The following ADGRL3 variants were observed in gnomAD, a reference collection of about 807,000 sequenced individuals.
ADGRL3 encodes calcium-independent alpha-latrotoxin receptor 3.
ADGRL3 carries 62 observed loss-of-function variants against 153.5 expected under a neutral mutation model. The observed-to-expected ratio is 0.40, with a 90% CI of 0.33 to 0.50. The LOEUF (loss-of-function observed/expected upper bound fraction) is 0.50, where lower values mean the gene tolerates loss of function less well. ADGRL3 is among the 20% of genes least tolerant of loss of function. ADGRL3 has a pLI of 0.47. For missense variants in ADGRL3, 1,641 were observed against 1,859.4 expected (o/e 0.88, Z 2.16); for synonymous variants, 710 against 672.5 (o/e 1.06, Z -0.86).
intron 2 of ADGRL3, among the ~76,000 whole-genome samples, chr4:61,451,466 A>G (rs1363738182): frequency 6.6e-6 from 1 of 152,218 alleles, no homozygotes; most frequent in Non-Finnish European, 1.5e-5. Flanking sequence ...AGATTGAACA[A>G]TGTTCAGATT....
chr4:61,382,826 A>T (rs2151914347), intron 1 of ADGRL3, among the ~76,000 whole-genome samples: 1 of 151,982 alleles, frequency 6.6e-6, no homozygotes, highest in South Asian at 2.1e-4. Context: ...TGGAAATAGC[A>T]AAATTTATAT....
At chr4:61,514,854 TGTTTA>T in intron 3 of ADGRL3, among the ~76,000 whole-genome samples, 1 of 152,314 alleles carries the variant, frequency 6.6e-6, no homozygotes, top group East Asian at 1.9e-4. Flanking sequence ...TTTTATGTTT[TGTTTA>T]TTTTTCAGAT....
chr4:61,677,085 C>T (rs1169145490), intron 6 of ADGRL3, 150 bp downstream of exon 6: 8 of 582,766 alleles, frequency 1.4e-5, no homozygotes, highest in Non-Finnish European at 2.5e-5. Context: ...ATAGACCCTC[C>T]CTGCCATCAG....
intron 8 of ADGRL3, among the ~76,000 whole-genome samples, chr4:61,758,294 A>G (rs919897444): frequency 7.9e-5 from 12 of 152,086 alleles, no homozygotes; most frequent in Non-Finnish European, 2.9e-5. Flanking sequence ...AAAGTCTGCC[A>G]TTATTATTGC....
chr4:61,472,003 A>G (rs1161696391), intron 2 of ADGRL3, among the ~76,000 whole-genome samples: 1 of 152,104 alleles, frequency 6.6e-6, no homozygotes, highest in African/African-American at 2.4e-5. Context: ...TTTAAGAAAC[A>G]GTAAGCCAAT....
chr4:61,324,059 T>C (rs1353027353), intron 1 of ADGRL3, among the ~76,000 whole-genome samples: 1 of 152,126 alleles, frequency 6.6e-6, no homozygotes, highest in Non-Finnish European at 1.5e-5. Flanking sequence ...AGAGAGAGAT[T>C]GTGCAGAGAA....
rs142317130 is a variant in ADGRL3, at chr4:61,926,860, C to T, written c.2113-7980C>T. ...TTCACTTACCAATCTTGCCACTGAA[C>T]CCCTTATACTCTCTGCTCTACCATA... On this transcript the variant is annotated intron_variant, in intron 13 of 26. Coordinates refer to ENST00000683033, the MANE Select transcript of ADGRL3 (RefSeq NM_001387552.1). 1.4e-4 allele frequency among the ~76,000 whole-genome samples: 21 copies of T among 152,258 alleles called. No homozygotes were observed. The East Asian group carries it at 2.3e-3, about 17-fold the overall frequency.
At chr4:61,858,263 G>A (rs2098300384) in intron 9 of ADGRL3, among the ~76,000 whole-genome samples, 1 of 152,124 alleles carries the variant, frequency 6.6e-6, no homozygotes, top group Admixed American at 6.5e-5. Flanking sequence ...CAGTTCTGTG[G>A]TTGTAGCCTA....
At chr4:61,756,832 GTTGTTGAA>G (rs2096838405) in intron 8 of ADGRL3, among the ~76,000 whole-genome samples, 1 of 152,084 alleles carries the variant, frequency 6.6e-6, no homozygotes, top group South Asian at 2.1e-4. Context: ...AGCATGAAGG[GTTGTTGAA>G]TTTTGTCAAA....
chr4:61,448,120 C>T (rs949226012), intron 2 of ADGRL3, among the ~76,000 whole-genome samples: 14 of 152,252 alleles, frequency 9.2e-5, no homozygotes, highest in African/African-American at 3.4e-4. Context: ...CAGAATTTAG[C>T]TCAGTGGTGT....
At chr4:61,994,340 T>A (rs2099114427) in intron 19 of ADGRL3, among the ~76,000 whole-genome samples, 1 of 151,988 alleles carries the variant, frequency 6.6e-6, no homozygotes, top group South Asian at 2.1e-4. Context: ...TTTGTAGAGA[T>A]GAGGTCTCAC....
At chr4:61,457,484 T>C (rs1229749775) in intron 2 of ADGRL3, among the ~76,000 whole-genome samples, 3 of 152,012 alleles carry the variant, frequency 2.0e-5, no homozygotes, top group African/African-American at 7.2e-5. Context: ...GCTTAAATCA[T>C]GTAACAGTTA....
intron 8 of ADGRL3, among the ~76,000 whole-genome samples, chr4:61,767,484 T>G (rs1391615721): frequency 6.6e-6 from 1 of 152,156 alleles, no homozygotes; most frequent in African/African-American, 2.4e-5. Context: ...GGGCTTACCT[T>G]CCACTGTGAG....
At chr4:61,394,004 GTAAT>G (rs1393692158) in intron 2 of ADGRL3, among the ~76,000 whole-genome samples, 1 of 151,946 alleles carries the variant, frequency 6.6e-6, no homozygotes, top group Non-Finnish European at 1.5e-5. Context: ...GGAATAGAGA[GTAAT>G]TAATTCTTAA....
At chr4:61,468,553 A>G (rs2152666473) in intron 2 of ADGRL3, among the ~76,000 whole-genome samples, 1 of 152,298 alleles carries the variant, frequency 6.6e-6, no homozygotes, top group South Asian at 2.1e-4. Flanking sequence ...ACCTCAAACG[A>G]GTTAAAAATT....
At chr4:61,489,296 T>C (rs1262676706) in intron 2 of ADGRL3, among the ~76,000 whole-genome samples, 4 of 151,902 alleles carry the variant, frequency 2.6e-5, no homozygotes, top group Admixed American at 1.3e-4. Flanking sequence ...CCTGTATTCA[T>C]GCTGCTTCTC....
chr4:61,761,247 C>T (rs1051960788), intron 8 of ADGRL3, among the ~76,000 whole-genome samples: 1 of 152,174 alleles, frequency 6.6e-6, no homozygotes, highest in Non-Finnish European at 1.5e-5. Flanking sequence ...CCTACAAAGG[C>T]AATCTAGTCT....
chr4:61,249,387 A>G (rs1295410193), intron 1 of ADGRL3, among the ~76,000 whole-genome samples: 1 of 152,084 alleles, frequency 6.6e-6, no homozygotes, highest in Non-Finnish European at 1.5e-5. Flanking sequence ...GCATGGCTCT[A>G]TGTTGTCTTC....
At chr4:61,273,286 G>T (rs979666885) in intron 1 of ADGRL3, among the ~76,000 whole-genome samples, 3 of 152,138 alleles carry the variant, frequency 2.0e-5, no homozygotes, top group Non-Finnish European at 2.9e-5. Flanking sequence ...TTTTCCCTAA[G>T]TACGGTATTT....
Sources: allele counts gnomAD v4.1 joint callset (sites outside exome capture counted in the v4.1 genomes callset), GRCh38; gene constraint gnomAD v4.1.1; transcripts MANE v1.5; gene names NCBI Gene and HGNC (gene_info 2026-07-23, HGNC 2026-07-21).